Variants in CCSER1 observed in about 807,000 individuals in gnomAD.
CCSER1 encodes the protein coiled-coil serine rich protein 1, also known as serine-rich coiled-coil domain-containing protein 1.
CCSER1 carries 41 observed loss-of-function variants against 82.0 expected under a neutral mutation model. The ratio of observed to expected loss-of-function variants is 0.50; its 90% CI spans 0.39 to 0.65. The LOEUF (loss-of-function observed/expected upper bound fraction) is 0.65, where lower values mean the gene tolerates loss of function less well. Among genes scored for constraint, CCSER1 ranks in the 30% least tolerant of loss-of-function variants. The pLI is 0.00. For missense variants in CCSER1, 1,119 were observed against 1,064.2 expected (o/e 1.05, Z -0.72); for synonymous variants, 414 against 383.9 (o/e 1.08, Z -0.92).
At chr4:90,801,496 C>T (rs921166076) in intron 7 of CCSER1, among the ~76,000 whole-genome samples, 48 of 152,122 alleles carry the variant, frequency 3.2e-4, no homozygotes, top group African/African-American at 1.1e-3. Flanking sequence ...CATTCATTGT[C>T]AAAAAGATTA....
At chr4:90,746,764 G>C (rs552594697) in intron 7 of CCSER1, among the ~76,000 whole-genome samples, 98 of 152,268 alleles carry the variant, frequency 6.4e-4, no homozygotes, top group African/African-American at 2.2e-3. Flanking sequence ...AAAGTTTTAG[G>C]TACTGAAAAC....
At chr4:90,918,476 G>A in intron 8 of CCSER1, 1 of 330,366 alleles carries the variant, frequency 3.0e-6, no homozygotes, top group Non-Finnish European at 6.0e-6. Context: ...AAAGCCAGTT[G>A]TACTGGCTTT....
rs1477814626 is a variant in CCSER1, at chr4:91,497,152, C to T, written c.2218-101420C>T. 2.0e-5 allele frequency among the ~76,000 whole-genome samples: 3 copies of T among 151,308 alleles called. No individual in the cohort carries two copies. The East Asian group carries it at 5.8e-4, about 29-fold the overall frequency. ...GATTTCCATTTACTCACTATTTGTG[C>T]TTGATCAAGTTTCTTAACCCCTTTG... On this transcript the variant is annotated intron_variant, in intron 10 of 10. Coordinates refer to ENST00000509176, the MANE Select transcript of CCSER1 (RefSeq NM_001145065.2).
intron 8 of CCSER1, among the ~76,000 whole-genome samples, chr4:90,901,452 A>ATGAAACATG (rs374481739): frequency 3.6e-4 from 55 of 151,980 alleles, no homozygotes; most frequent in African/African-American, 1.3e-3. Context: ...CATGTTTAGA[A>ATGAAACATG]TTCCTTTGAA....
At chr4:90,516,262 G>A (rs142961448) in intron 5 of CCSER1, among the ~76,000 whole-genome samples, 4 of 152,122 alleles carry the variant, frequency 2.6e-5, no homozygotes, top group Non-Finnish European at 5.9e-5. Flanking sequence ...TTATAGAAAG[G>A]GTGCCCTTAT....
At chr4:90,728,726 G>T (rs1744157346) in intron 7 of CCSER1, among the ~76,000 whole-genome samples, 1 of 152,106 alleles carries the variant, frequency 6.6e-6, no homozygotes, top group Non-Finnish European at 1.5e-5. Context: ...CAATAAAAAT[G>T]ATGCTTAACT....
At chr4:90,529,729 T>C (rs1201865546) in intron 5 of CCSER1, among the ~76,000 whole-genome samples, 1 of 152,108 alleles carries the variant, frequency 6.6e-6, no homozygotes, top group Admixed American at 6.5e-5. Flanking sequence ...TTCAATTTCT[T>C]AAAATAATAA....
intron 6 of CCSER1, among the ~76,000 whole-genome samples, chr4:90,663,194 T>A (rs1731135188): frequency 6.6e-6 from 1 of 152,220 alleles, no homozygotes; most frequent in Non-Finnish European, 1.5e-5. Flanking sequence ...TAATAATAAA[T>A]TGTGTTAATC....
intron 5 of CCSER1, among the ~76,000 whole-genome samples, chr4:90,573,580 A>G (rs1357885094): frequency 6.6e-6 from 1 of 152,164 alleles, no homozygotes; most frequent in African/African-American, 2.4e-5. Context: ...TTTTCCTACA[A>G]CCACATACTT....
intron 6 of CCSER1, among the ~76,000 whole-genome samples, chr4:90,656,907 G>A (rs1729800903): frequency 6.6e-6 from 1 of 151,822 alleles, no homozygotes; most frequent in Admixed American, 6.6e-5. Flanking sequence ...GTAATGTTAG[G>A]ACATTAAAAT....
intron 7 of CCSER1, among the ~76,000 whole-genome samples, chr4:90,750,579 A>C (rs939168396): frequency 6.6e-6 from 1 of 152,136 alleles, no homozygotes; most frequent in Non-Finnish European, 1.5e-5. Context: ...CAGCTCTCAA[A>C]GTGCTCAAAT....
At chr4:90,562,839 C>T (rs1212176574) in intron 5 of CCSER1, among the ~76,000 whole-genome samples, 2 of 137,778 alleles carry the variant, frequency 1.5e-5, no homozygotes, top group Non-Finnish European at 3.1e-5. Flanking sequence ...TGCCCAGCCT[C>T]CCTTTTTTTT....
chr4:91,555,929 A>G (rs999233792), intron 10 of CCSER1, among the ~76,000 whole-genome samples: 5 of 151,184 alleles, frequency 3.3e-5, no homozygotes, highest in Non-Finnish European at 5.9e-5. Flanking sequence ...TGTATAAACA[A>G]TTTTATCCTG....
At chr4:90,446,057 A>G (rs952628495) in intron 4 of CCSER1, among the ~76,000 whole-genome samples, 4 of 152,160 alleles carry the variant, frequency 2.6e-5, no homozygotes, top group African/African-American at 7.2e-5. Context: ...TTCACCAAAC[A>G]CTTCACATGA....
chr4:90,417,439 G>C lies in CCSER1; in HGVS notation c.1603+17310G>C, dbSNP rs549374388. Among the ~76,000 whole-genome samples, 171 of 151,922 alleles carry C rather than the reference G, an allele frequency of 1.1e-3. 1 individual carries two copies. The highest frequency in any genetic ancestry group is 3.3e-3 in the African/African-American group (138 of 41,468). The stretch of plus-strand genomic sequence containing the variant: ...ATGGCTGTTACTTTGTATTAAGGTT[G>C]ATATTTACAATTTGCAGAAGAGTTT... On this transcript the variant is annotated intron_variant, in intron 4 of 10. Coordinates refer to ENST00000509176, the MANE Select transcript of CCSER1 (RefSeq NM_001145065.2).
At chr4:90,575,803 C>T (rs950671383) in intron 5 of CCSER1, among the ~76,000 whole-genome samples, 5 of 151,866 alleles carry the variant, frequency 3.3e-5, no homozygotes, top group African/African-American at 1.2e-4. Flanking sequence ...AAATATTTTT[C>T]TTAAGAATTT....
intron 4 of CCSER1, among the ~76,000 whole-genome samples, chr4:90,455,110 T>C (rs1762001267): frequency 6.6e-6 from 1 of 152,226 alleles, no homozygotes; most frequent in Admixed American, 6.5e-5. Context: ...TCCTACAATG[T>C]TGGCAAAGGT....
At chr4:91,460,091 A>G (rs1196944526) in intron 10 of CCSER1, among the ~76,000 whole-genome samples, 1 of 152,210 alleles carries the variant, frequency 6.6e-6, no homozygotes, top group Non-Finnish European at 1.5e-5. Flanking sequence ...TTGCAGGAGC[A>G]TTTGACTGAG....
chr4:91,056,636 A>G (rs144867670), intron 9 of CCSER1, among the ~76,000 whole-genome samples: 1 of 152,276 alleles, frequency 6.6e-6, no homozygotes, highest in African/African-American at 2.4e-5. Context: ...GGAGACATTC[A>G]GATCATAGCA....
Sources: gnomAD v4.1 joint callset for allele counts (sites outside exome capture counted in the v4.1 genomes callset) on GRCh38, gnomAD v4.1.1 for gene constraint, MANE v1.5 for transcripts, NCBI Gene and HGNC (gene_info 2026-07-23, HGNC 2026-07-21) for gene names.